Variants in ATAD1 observed in about 807,000 individuals in gnomAD.
ATAD1 encodes outer mitochondrial transmembrane helix translocase.
In ATAD1, 18 loss-of-function variants were observed where a neutral mutation model predicts 42.7. The observed-to-expected ratio is 0.42, with a 90% confidence interval of 0.29 to 0.63. The LOEUF (loss-of-function observed/expected upper bound fraction) is 0.63. ATAD1 is among the 20% of genes least tolerant of loss of function. ATAD1 has a pLI of 0.19. For missense variants in ATAD1, 294 were observed against 440.4 expected, an observed-to-expected ratio of 0.67 and a Z score of 2.98; for synonymous variants, 132 against 143.1, an observed-to-expected ratio of 0.92 and a Z score of 0.55.
chr10:87,821,968 T>A (rs1857639818), upstream of ATAD1, among the ~76,000 whole-genome samples: 2 of 152,222 alleles, frequency 1.3e-5, no homozygotes, highest in Non-Finnish European at 2.9e-5. Context: ...AAAAGGCCTA[T>A]CTGGTCAGCT....
intron 1 of ATAD1, among the ~76,000 whole-genome samples, chr10:87,836,366 A>C (rs1278592928): frequency 6.6e-6 from 1 of 152,208 alleles, no homozygotes; most frequent in Non-Finnish European, 1.5e-5. Flanking sequence ...CTTTAGACCA[A>C]GGTATGCTGA....
At chr10:87,784,393 G>A (rs1855719619) in intron 5 of ATAD1, 77 bp downstream of exon 5, 1 of 1,377,180 alleles carries the variant, frequency 7.3e-7, no homozygotes, top group Admixed American at 1.8e-5. Flanking sequence ...CCTAATAAAT[G>A]TTAAAAACTA....
At chr10:87,789,204 C>T (rs1005527538) in intron 4 of ATAD1, among the ~76,000 whole-genome samples, 1 of 152,258 alleles carries the variant, frequency 6.6e-6, no homozygotes, top group Admixed American at 6.5e-5. Flanking sequence ...TAAAGATCCA[C>T]TTTTTTGAAA....
chr10:87,756,623 T>A (rs1030903650), intron 9 of ATAD1, among the ~76,000 whole-genome samples, 166 bp downstream of exon 9: 1 of 152,202 alleles, frequency 6.6e-6, no homozygotes, highest in African/African-American at 2.4e-5. Context: ...ATTTTCAGAA[T>A]TCTGCTTTGG....
At chr10:87,827,045 T>C (rs1455946984) in intron 1 of ATAD1, among the ~76,000 whole-genome samples, 1 of 152,178 alleles carries the variant, frequency 6.6e-6, no homozygotes, top group Non-Finnish European at 1.5e-5. Flanking sequence ...ACACAGGAAA[T>C]TTATCAAGCA....
chr10:87,767,632 A>G, intron 8 of ATAD1, 41 bp downstream of exon 8: 1 of 1,520,890 alleles, frequency 6.6e-7, no homozygotes, highest in Non-Finnish European at 9.1e-7. Context: ...TATGAACATC[A>G]GATTTATAGG....
chr10:87,772,050 C>A (rs1855057989), intron 6 of ATAD1, among the ~76,000 whole-genome samples: 1 of 152,106 alleles, frequency 6.6e-6, no homozygotes, highest in Non-Finnish European at 1.5e-5. Context: ...CAATTACTTT[C>A]AATTAACTGT....
At chr10:87,762,604 A>G (rs1192149920) in intron 8 of ATAD1, among the ~76,000 whole-genome samples, 1 of 151,780 alleles carries the variant, frequency 6.6e-6, no homozygotes, top group African/African-American at 2.4e-5. Context: ...AGCCAGGATT[A>G]CGGTTGCCAG....
chr10:87,789,583 G>A (rs894432488), intron 4 of ATAD1, among the ~76,000 whole-genome samples: 10 of 152,064 alleles, frequency 6.6e-5, no homozygotes, highest in South Asian at 2.1e-4. Context: ...AGAGCCAGGC[G>A]TGGTGGCACA....
chr10:87,823,775 C>T (rs1857674500), intron 1 of ATAD1, among the ~76,000 whole-genome samples: 2 of 152,206 alleles, frequency 1.3e-5, no homozygotes, highest in South Asian at 2.1e-4. Context: ...AGGTCACTTG[C>T]CTTCTCTCAT....
intron 2 of ATAD1, among the ~76,000 whole-genome samples, chr10:87,803,900 T>G: frequency 6.6e-6 from 1 of 152,236 alleles, no homozygotes; most frequent in South Asian, 2.1e-4. Flanking sequence ...CACTTGTATC[T>G]ACTCCCTTAC....
At chr10:87,835,104 A>T (rs146022809) in intron 1 of ATAD1, among the ~76,000 whole-genome samples, 1 of 152,050 alleles carries the variant, frequency 6.6e-6, no homozygotes, top group East Asian at 1.9e-4. Flanking sequence ...TTATGATTAG[A>T]GAGCATATTT....
intron 8 of ATAD1, among the ~76,000 whole-genome samples, chr10:87,762,666 C>G (rs1019335942): frequency 5.3e-5 from 8 of 151,296 alleles, no homozygotes; most frequent in African/African-American, 1.9e-4. Flanking sequence ...CAGGGTTTCA[C>G]CATGTTGGCC....
upstream of ATAD1, among the ~76,000 whole-genome samples, chr10:87,821,574 T>C (rs1857632293): frequency 6.6e-6 from 1 of 152,056 alleles, no homozygotes; most frequent in Non-Finnish European, 1.5e-5. Context: ...TGTATATAGA[T>C]TAACTTGGAC....
intron 5 of ATAD1, among the ~76,000 whole-genome samples, chr10:87,776,890 GA>G (rs1435042096): frequency 6.6e-6 from 1 of 151,872 alleles, no homozygotes; most frequent in Admixed American, 6.6e-5. Flanking sequence ...AGTGATCATT[GA>G]AATGTCACTC....
chr10:87,766,099 GGCAC>G (rs1169569502), intron 8 of ATAD1, among the ~76,000 whole-genome samples: 1 of 152,014 alleles, frequency 6.6e-6, no homozygotes, highest in Non-Finnish European at 1.5e-5. Context: ...CTATCATGTT[GGCAC>G]GAAGTTCCAT....
chr10:87,792,517 G>A, intron 3 of ATAD1, 140 bp downstream of exon 3: 1 of 626,574 alleles, frequency 1.6e-6, no homozygotes, highest in Non-Finnish European at 2.8e-6. Context: ...TCATATACAG[G>A]AATACAACTA....
In ATAD1 at chr10:87,790,115, A is replaced by G. The variant is rs78843637; in HGVS notation, c.382+195T>C. 1.8e-4 allele frequency among the ~76,000 whole-genome samples: 27 copies of G among 152,388 alleles called. No homozygotes were observed. In the East Asian group the frequency reaches 4.8e-3, roughly 27 times the overall value. ...AGGAGATTATTTTAACAAGTATTTT[A>G]ACATGTAAATACAGGAAAAAGTTTA... On this transcript the variant is annotated intron_variant, in intron 4 of 9. Transcript: ENST00000680024.
rs1854136518 is a variant in ATAD1 at position 87,754,589 on chromosome 10, C to T, written c.*98G>A. 7.5e-7 allele frequency: 1 copy of T among 1,340,418 alleles called. No individual in the cohort carries two copies. Among genetic ancestry groups the T allele is most frequent in the Non-Finnish European group, 1.0e-6 (1 of 991,486 alleles). 83.0% of individuals were successfully genotyped at this position (1,340,418 alleles called of 1,614,324 possible). On this transcript the variant is annotated 3_prime_UTR_variant, in exon 10 of 10. Transcript: ENST00000680024. ...GTATAAAACCATAAACACTGAGCTC[C>T]CTCATTGTTTAAAGAGCACTCTTTC...
Sources: gnomAD v4.1 joint callset for allele counts (sites outside exome capture counted in the v4.1 genomes callset) on GRCh38, gnomAD v4.1.1 for gene constraint, MANE v1.5 for transcripts, NCBI Gene and HGNC (gene_info 2026-07-23, HGNC 2026-07-21) for gene names.